HAT1: variants seen among roughly 807,000 people sequenced by gnomAD.
The protein encoded by HAT1 is histone acetyltransferase 1, also known as histone acetyltransferase type B catalytic subunit.
Under a neutral mutation model 56.6 loss-of-function variants are expected in HAT1, and 20 were observed. The observed-to-expected ratio is 0.35, with a 90% CI of 0.25 to 0.51. The LOEUF (loss-of-function observed/expected upper bound fraction) is 0.51, where lower values mean the gene tolerates loss of function less well. Ranked by LOEUF, HAT1 falls within the 20% of genes least tolerant of loss-of-function variation. HAT1 has a pLI of 0.95. For missense variants in HAT1, 408 were observed against 504.3 expected (o/e 0.81, Z 1.83); for synonymous variants, 146 against 165.5 (o/e 0.88, Z 0.91).
intron 9 of HAT1, among the ~76,000 whole-genome samples, chr2:171,977,557 ATTTTTTTTTTT>A (rs1172067451): frequency 8.6e-4 from 14 of 16,348 alleles, no homozygotes; most frequent in Admixed American, 6.4e-3. Flanking sequence ...ATATATATAT[ATTTTTTTTTTT>A]TTTTTTTTTT....
rs751527275 is a variant in HAT1 at position 171,966,922 on chromosome 2, G to T, written c.796G>T (p.Glu266Ter). The change falls in exon 8 of 11, where the codon GAA becomes TAA. Residue 266 changes from glutamate (E) to a stop codon, truncating the protein, a stop_gained. Coordinates refer to ENST00000264108, the MANE Select transcript of HAT1 (RefSeq NM_003642.4). LOFTEE classifies it high-confidence loss of function. ...LLETVHRYYT[E>*]FPTVLDITAE... Reference sequence around the variant, plus strand: ...TGAAACAGTTCATAGATACTACACTGAATTTCCTACAGTTCTTGATATTAC... The same window carrying T: ...TGAAACAGTTCATAGATACTACACTTAATTTCCTACAGTTCTTGATATTAC... 6.4e-7 allele frequency: 1 copy of T among 1,550,612 alleles called. No individual in the cohort carries two copies. The highest frequency in any genetic ancestry group is 1.1e-5 in the South Asian group (1 of 88,806).
At chr2:171,965,760 C>G (rs895547832) in intron 5 of HAT1, 27 bp from the exon 6 acceptor site, 1 of 1,608,374 alleles carries the variant, frequency 6.2e-7, no homozygotes, top group Non-Finnish European at 8.5e-7. Context: ...ATGAGTTTCA[C>G]CTGACTTTTC....
intron 8 of HAT1, among the ~76,000 whole-genome samples, chr2:171,971,110 GA>G (rs1235621240): frequency 6.6e-6 from 1 of 152,136 alleles, no homozygotes. Flanking sequence ...TGAGGCAGGA[GA>G]ATGGCGTAAA....
intron 4 of HAT1, among the ~76,000 whole-genome samples, chr2:171,956,784 A>G (rs1026067008): frequency 1.3e-5 from 2 of 152,272 alleles, no homozygotes; most frequent in African/African-American, 4.8e-5. Flanking sequence ...AGATAAATTG[A>G]GGGAAGAACT....
intron 1 of HAT1, 85 bp from the exon 2 acceptor site, chr2:171,925,452 C>T (rs1043919757): frequency 2.7e-4 from 188 of 695,348 alleles, no homozygotes; most frequent in Non-Finnish European, 2.1e-4. Context: ...AAATCATACC[C>T]CTATTCCACT....
In HAT1 at chr2:171,946,733, T is replaced by C; in HGVS notation, c.138T>C (p.Asn46=). The change falls in exon 3 of 11, where the codon AAT becomes AAC. Residue 46 remains asparagine, a synonymous_variant. Coordinates refer to ENST00000264108, the MANE Select transcript of HAT1 (RefSeq NM_003642.4). ...TTCGTTTTCCTGAAGATCTTGAAAA[T>C]GACATTAGAACTTTCTTTCCTGAGT... The part of the protein sequence containing the change: ...KLVRFPEDLE[N]DIRTFFPEYT... 1 of 1,583,870 alleles carries C rather than the reference T, an allele frequency of 6.3e-7. No individual in the cohort carries two copies. Among genetic ancestry groups the C allele is most frequent in the Non-Finnish European group, 8.6e-7 (1 of 1,157,774 alleles).
chr2:171,982,063 ATAG>A (rs1199045924), intron 10 of HAT1, among the ~76,000 whole-genome samples: 1 of 152,210 alleles, frequency 6.6e-6, no homozygotes, highest in Non-Finnish European at 1.5e-5. Context: ...CTGAGTACAA[ATAG>A]TAGTCACACA....
At chr2:171,942,765 C>A (rs920039349) in intron 2 of HAT1, among the ~76,000 whole-genome samples, 1 of 152,052 alleles carries the variant, frequency 6.6e-6, no homozygotes, top group Non-Finnish European at 1.5e-5. Context: ...ACTTTTAGTT[C>A]CTATTTTCTG....
intron 2 of HAT1, among the ~76,000 whole-genome samples, chr2:171,930,706 C>A (rs557830918): frequency 7.4e-4 from 112 of 152,084 alleles, no homozygotes; most frequent in Middle Eastern, 3.2e-3. Context: ...CCTTGACTTC[C>A]CAGGCTCAAG....
chr2:171,978,772 T>C lies in HAT1; in HGVS notation c.976-475T>C, dbSNP rs1220963960. ...ATTTAAAACTCAAAATTTGTGCATA[T>C]TGCTTACATTCCTATTTAAAATCTG... On this transcript the variant is annotated intron_variant, in intron 9 of 10. Coordinates refer to ENST00000264108, the MANE Select transcript of HAT1 (RefSeq NM_003642.4). Among the ~76,000 whole-genome samples the C allele has an allele frequency of 2.0e-5, 3 of 152,180 alleles. No individual in the cohort carries two copies. The East Asian group carries it at 5.8e-4, about 29-fold the overall frequency.
At chr2:171,950,163 G>C (rs1687269625) in intron 3 of HAT1, among the ~76,000 whole-genome samples, 1 of 151,902 alleles carries the variant, frequency 6.6e-6, no homozygotes, top group African/African-American at 2.4e-5. Flanking sequence ...GGGGGTTTTG[G>C]GTTTTTTTGT....
At chr2:171,954,131 TG>T (rs1463694071) in intron 4 of HAT1, among the ~76,000 whole-genome samples, 1 of 152,262 alleles carries the variant, frequency 6.6e-6, no homozygotes, top group East Asian at 1.9e-4. Context: ...TAAAAATCTT[TG>T]CCTTTGTGAT....
rs757792643 is a variant in HAT1 at position 171,983,308 on chromosome 2, G to A, written c.1216G>A (p.Val406Met). ...GCTGGAAGAGAGTTTTCAGGAACTAGTGGAAGATTACCGGCGTGTTATTGA... is the reference window on the plus strand; with the variant it reads ...GCTGGAAGAGAGTTTTCAGGAACTAATGGAAGATTACCGGCGTGTTATTGA... ...EQLEESFQELVEDYRRVIERL... is the reference protein window; with the variant it reads ...EQLEESFQELMEDYRRVIERL... The change falls in exon 11 of 11, where the codon GTG (valine) becomes ATG (methionine). Residue 406 changes from valine to methionine, a missense_variant. Transcript: ENST00000264108. The A allele has an allele frequency of 1.2e-6, 2 of 1,609,448 alleles. No homozygotes were observed. Among genetic ancestry groups the A allele is most frequent in the South Asian group, 2.2e-5 (2 of 90,670 alleles).
intron 4 of HAT1, among the ~76,000 whole-genome samples, chr2:171,955,403 G>A (rs2105327449): frequency 6.6e-6 from 1 of 152,196 alleles, no homozygotes; most frequent in Middle Eastern, 3.4e-3. Context: ...CCTGAGGTCA[G>A]GAGTTTGAGA....
At chr2:171,953,558 A>G (rs766416070) in intron 4 of HAT1, among the ~76,000 whole-genome samples, 2 of 137,408 alleles carry the variant, frequency 1.5e-5, no homozygotes, top group Non-Finnish European at 3.0e-5. Flanking sequence ...CAGGAGCTTG[A>G]GGCTGCCAGT....
intron 4 of HAT1, among the ~76,000 whole-genome samples, chr2:171,954,053 G>T (rs182860426): frequency 1.1e-3 from 169 of 152,264 alleles, no homozygotes; most frequent in Non-Finnish European, 1.1e-3. Flanking sequence ...GGAGGCATTT[G>T]CCTCCCTGTC....
chr2:171,948,682 G>C (rs919092406), intron 3 of HAT1, among the ~76,000 whole-genome samples: 2 of 152,150 alleles, frequency 1.3e-5, no homozygotes, highest in African/African-American at 4.8e-5. Flanking sequence ...ATCTGAAACA[G>C]ATCCTCAGCA....
At chr2:171,975,862 C>CTAT (rs371262033) in intron 8 of HAT1, among the ~76,000 whole-genome samples, 3 of 151,022 alleles carry the variant, frequency 2.0e-5, no homozygotes, top group Admixed American at 2.0e-4. Context: ...GATTTCTACT[C>CTAT]TATTATTATT....
At chr2:171,961,192 C>A (rs906314661) in intron 4 of HAT1, among the ~76,000 whole-genome samples, 1 of 152,044 alleles carries the variant, frequency 6.6e-6, no homozygotes, top group African/African-American at 2.4e-5. Context: ...GTAGTCCCAG[C>A]TACTTGGAAG....
Sources: gnomAD v4.1 joint callset for allele counts (sites outside exome capture counted in the v4.1 genomes callset) on GRCh38, gnomAD v4.1.1 for gene constraint, MANE v1.5 for transcripts, NCBI Gene and HGNC (gene_info 2026-07-23, HGNC 2026-07-21) for gene names.